Variants in KLHDC1 observed in about 807,000 individuals in gnomAD.
The protein encoded by KLHDC1 is kelch domain containing 1.
Under a neutral mutation model 68.3 loss-of-function variants are expected in KLHDC1, and 53 were observed. That is an observed-to-expected ratio of 0.78 (90% CI 0.62 to 0.98). The LOEUF is 0.98. KLHDC1 is among the 50% of genes least tolerant of loss of function. The pLI is 0.00. For missense variants in KLHDC1, 470 were observed against 492.3 expected (o/e 0.95, Z 0.43); for synonymous variants, 148 against 159.0 (o/e 0.93, Z 0.52).
At chr14:49,738,697 G>T (rs1369776991) in intron 10 of KLHDC1, among the ~76,000 whole-genome samples, 1 of 152,134 alleles carries the variant, frequency 6.6e-6, no homozygotes, top group Non-Finnish European at 1.5e-5. Context: ...ACTGGGTACA[G>T]AACACCACAT....
chr14:49,716,868 CCCCATTCT>C (rs1888391414), intron 4 of KLHDC1, among the ~76,000 whole-genome samples: 1 of 152,154 alleles, frequency 6.6e-6, no homozygotes, highest in Admixed American at 6.5e-5. Flanking sequence ...AGCCATATCT[CCCCATTCT>C]CCCTTCTTTC....
Position 49,743,749 on chromosome 14 carries a change from T to C in KLHDC1, c.982-4T>C. 1 of 1,575,962 alleles carries C rather than the reference T, an allele frequency of 6.3e-7. No homozygotes were observed. The highest frequency in any genetic ancestry group is 8.7e-7 in the Non-Finnish European group (1 of 1,151,024). On this transcript the variant is annotated splice_region_variant and splice_polypyrimidine_tract_variant and intron_variant, in intron 11 of 12. Transcript: ENST00000359332. ...CTTAATAATGCCTTTTTTGTGTTGA[T>C]TAGGGTCACTGTAATGATTTATTGA...
chr14:49,699,437 G>C (rs1334271639), intron 1 of KLHDC1, among the ~76,000 whole-genome samples: 1 of 149,036 alleles, frequency 6.7e-6, no homozygotes, highest in African/African-American at 2.5e-5. Flanking sequence ...AAAAAAAAAA[G>C]AGGACATGGC....
chr14:49,698,043 T>C (rs1020973218), intron 1 of KLHDC1, among the ~76,000 whole-genome samples: 1 of 152,166 alleles, frequency 6.6e-6, no homozygotes, highest in African/African-American at 2.4e-5. Context: ...AGTCTAGATA[T>C]AAAGGTGGCT....
intron 10 of KLHDC1, among the ~76,000 whole-genome samples, chr14:49,736,282 A>G (rs968243989): frequency 1.3e-5 from 2 of 152,210 alleles, no homozygotes; most frequent in African/African-American, 4.8e-5. Context: ...CTGATGTGTC[A>G]TGTAAATAAT....
chr14:49,723,109 AAAAAAG>A (rs1383646710), intron 4 of KLHDC1, among the ~76,000 whole-genome samples: 7 of 150,088 alleles, frequency 4.7e-5, no homozygotes, highest in African/African-American at 9.7e-5. Flanking sequence ...AAAAAAAAAA[AAAAAAG>A]AAGAGAAAAC....
rs1888751693 is a variant in KLHDC1 at position 49,729,529 on chromosome 14, A to G, written c.691A>G (p.Thr231Ala). ...TGATTTGCACTATCTAAACCTAGAC[A>G]CCTGGACTTGGTCTGGAAGGTAAGT... Reference protein sequence around the residue: ...MNDLHYLNLDTWTWSGRITIN... With the variant: ...MNDLHYLNLDAWTWSGRITIN... Residue 231 changes from threonine to alanine, a missense_variant, in exon 8 of 13, where the codon ACC becomes GCC. Coordinates refer to ENST00000359332, the MANE Select transcript of KLHDC1 (RefSeq NM_172193.3). The G allele has an allele frequency of 1.2e-6, 2 of 1,610,290 alleles. No homozygotes were observed. Among genetic ancestry groups the G allele is most frequent in the East Asian group, 4.5e-5 (2 of 44,752 alleles).
chr14:49,734,482 C>CA (rs1381467506), intron 9 of KLHDC1, 107 bp from the exon 10 acceptor site: 1 of 546,922 alleles, frequency 1.8e-6, no homozygotes, highest in Non-Finnish European at 3.2e-6. Flanking sequence ...AAAATAGGTG[C>CA]ACTCAGAAAA....
intron 4 of KLHDC1, 73 bp downstream of exon 4, chr14:49,710,454 T>A (rs924453180): frequency 3.3e-5 from 26 of 776,378 alleles, no homozygotes; most frequent in Middle Eastern, 2.4e-4. Flanking sequence ...AAATACAGAA[T>A]GCTTAAAGGT....
At chr14:49,744,512 TGGGG>T (rs1889146060) in intron 12 of KLHDC1, among the ~76,000 whole-genome samples, 1 of 152,138 alleles carries the variant, frequency 6.6e-6, no homozygotes, top group African/African-American at 2.4e-5. Context: ...TTGGTATTTG[TGGGG>T]ATCGGTTCCA....
intron 4 of KLHDC1, among the ~76,000 whole-genome samples, chr14:49,713,244 G>C (rs562807125): frequency 2.0e-5 from 3 of 151,342 alleles, no homozygotes; most frequent in East Asian, 3.9e-4. Context: ...ATGAGCTACC[G>C]CGCCCAGCCC....
chr14:49,739,486 AT>A (rs1482420180), intron 10 of KLHDC1, among the ~76,000 whole-genome samples: 1 of 152,190 alleles, frequency 6.6e-6, no homozygotes. Flanking sequence ...GGAACATATT[AT>A]GGTGTTCTGT....
chr14:49,743,373 C>A (rs1231953337), intron 11 of KLHDC1, among the ~76,000 whole-genome samples: 4 of 142,606 alleles, frequency 2.8e-5, no homozygotes, highest in Non-Finnish European at 6.0e-5. Context: ...GCACTCCAGT[C>A]TGGGCGACAG....
At chr14:49,749,331 ATACT>A (rs1479555021) in intron 12 of KLHDC1, among the ~76,000 whole-genome samples, 1 of 152,140 alleles carries the variant, frequency 6.6e-6, no homozygotes, top group Non-Finnish European at 1.5e-5. Context: ...TAATAAATCT[ATACT>A]TAAGTTAGTA....
intron 1 of KLHDC1, among the ~76,000 whole-genome samples, chr14:49,704,387 GTTTTTTTTTTT>G (rs35067251): frequency 4.4e-5 from 3 of 68,690 alleles, no homozygotes; most frequent in Non-Finnish European, 7.3e-5. Context: ...TTCCTTTTCT[GTTTTTTTTTTT>G]TTTTTTTTTT....
At chr14:49,725,842 T>A (rs1001874631) in intron 6 of KLHDC1, 73 bp downstream of exon 6, 16 of 793,400 alleles carry the variant, frequency 2.0e-5, no homozygotes, top group South Asian at 3.7e-5. Context: ...TTTTGGGTTT[T>A]TTTTTGTTTT....
chr14:49,740,901 C>G (rs1227327191), intron 11 of KLHDC1, among the ~76,000 whole-genome samples: 1 of 151,982 alleles, frequency 6.6e-6, no homozygotes, highest in Non-Finnish European at 1.5e-5. Context: ...TCGAGACCAG[C>G]CTGGCCAACA....
At chr14:49,693,748 C>CTTTTCTTTTTTTTTTTTTT (rs1887645359) in intron 1 of KLHDC1, among the ~76,000 whole-genome samples, 1 of 61,540 alleles carries the variant, frequency 1.6e-5, no homozygotes, top group Non-Finnish European at 3.4e-5. Flanking sequence ...TTTTCTTTTT[C>CTTTTCTTTTTTTTTTTTTT]TTTTTTTTTT....
At chr14:49,715,754 AAAAAAAAAAAAATATATAT>A (rs1238381531) in intron 4 of KLHDC1, among the ~76,000 whole-genome samples, 9 of 140,352 alleles carry the variant, frequency 6.4e-5, no homozygotes. Context: ...AAAAAAAAAA[AAAAAAAAAAAAATATATAT>A]ATATATATAA....
Sources: allele counts gnomAD v4.1 joint callset (sites outside exome capture counted in the v4.1 genomes callset), GRCh38; gene constraint gnomAD v4.1.1; transcripts MANE v1.5; gene names NCBI Gene and HGNC (gene_info 2026-07-23, HGNC 2026-07-21).